The following FAM135A variants were observed in gnomAD, a reference collection of about 807,000 sequenced individuals.
FAM135A encodes family with sequence similarity 135 member A.
In FAM135A, 79 loss-of-function variants were observed where a neutral mutation model predicts 146.8. The ratio of observed to expected loss-of-function variants is 0.54; its 90% CI spans 0.45 to 0.65. The LOEUF is 0.65. Among genes scored for constraint, FAM135A ranks in the 30% least tolerant of loss-of-function variants. The pLI is 0.00. For missense variants in FAM135A, 1,623 were observed against 1,758.2 expected (o/e 0.92, Z 1.38); for synonymous variants, 562 against 603.6 (o/e 0.93, Z 1.01).
chr6:70,428,803 A>G (rs1406499697), intron 4 of FAM135A, among the ~76,000 whole-genome samples: 3 of 152,236 alleles, frequency 2.0e-5, no homozygotes, highest in Non-Finnish European at 2.9e-5. Flanking sequence ...TTTCTGTATC[A>G]GTGAATGTAG....
rs759205546 is a variant in FAM135A, at chr6:70,523,973, G to C, written c.1110G>C (p.Gln370His). 6.2e-7 allele frequency: 1 copy of C among 1,606,216 alleles called. No homozygotes were observed. Among genetic ancestry groups the C allele is most frequent in the Admixed American group, 1.7e-5 (1 of 57,542 alleles). ...AAIAYQELHAQSHLQMCTAIK... is the reference protein window; with the variant it reads ...AAIAYQELHAHSHLQMCTAIK... ...CTGAAGAAATATTTTTCAGTGCTCA[G>C]AGTCATCTACAGATGTGCACCGCTA... Residue 370 changes from glutamine (Q) to histidine (H), a missense_variant, in exon 14 of 22, where the codon CAG becomes CAC. By Grantham distance (24) the Gln-to-His change is conservative. This residue lies in a region of FAM135A where 23 missense variants were observed against 47.7 expected (regional missense o/e 0.48). Transcript: ENST00000418814.
At position 70,517,440 on chromosome 6, in the gene FAM135A, T is replaced by C. The variant is rs1792540956; in HGVS notation, c.1030-5073T>C. Among the ~76,000 whole-genome samples, 8 of 144,032 alleles carry C rather than the reference T, an allele frequency of 5.6e-5. No homozygotes were observed. In the Admixed American group the frequency reaches 5.6e-4, roughly 10 times the overall value. 94.5% of individuals were successfully genotyped at this position (144,032 alleles called of 152,430 possible). A position where few individuals can be genotyped will look rare whatever the true frequency, so the allele number is the denominator to read the frequency against. ...CTTTTTTTTTTTTTTTTTTTTTAGATGGAGTTTTGCTCTTGTCACCCAGGC... is the reference window on the plus strand; with the variant it reads ...CTTTTTTTTTTTTTTTTTTTTTAGACGGAGTTTTGCTCTTGTCACCCAGGC... On this transcript the variant is annotated intron_variant, in intron 12 of 21. Transcript: ENST00000418814.
intron 1 of FAM135A, 115 bp downstream of exon 1, chr6:70,413,817 C>A: frequency 2.3e-5 from 23 of 985,454 alleles, no homozygotes; most frequent in Non-Finnish European, 2.8e-5. Context: ...GTCCGCCGTT[C>A]GCCCGCCGCG....
chr6:70,443,642 T>C (rs1775061923), intron 4 of FAM135A, among the ~76,000 whole-genome samples: 1 of 152,250 alleles, frequency 6.6e-6, no homozygotes, highest in Non-Finnish European at 1.5e-5. Context: ...TGGATATATT[T>C]TTGTAGTGAA....
chr6:70,559,183 G>C (rs1169454834), intron 21 of FAM135A, among the ~76,000 whole-genome samples: 1 of 152,218 alleles, frequency 6.6e-6, no homozygotes, highest in Non-Finnish European at 1.5e-5. Flanking sequence ...GCTCACGCCT[G>C]TAATCCCAGC....
intron 10 of FAM135A, among the ~76,000 whole-genome samples, chr6:70,490,019 A>C (rs1785570065): frequency 6.6e-6 from 1 of 152,072 alleles, no homozygotes; most frequent in African/African-American, 2.4e-5. Flanking sequence ...CCACTCTAAC[A>C]ATTATACTGT....
chr6:70,526,958 C>T (rs1002719042), intron 15 of FAM135A, among the ~76,000 whole-genome samples: 2 of 151,952 alleles, frequency 1.3e-5, no homozygotes, highest in Admixed American at 6.6e-5. Flanking sequence ...GCTGAATGAT[C>T]GTGCTGTTCT....
At chr6:70,492,738 C>G (rs1786301665) in intron 11 of FAM135A, among the ~76,000 whole-genome samples, 1 of 150,048 alleles carries the variant, frequency 6.7e-6, no homozygotes, top group Non-Finnish European at 1.5e-5. Flanking sequence ...TGAAATGATA[C>G]TCATTCTTAC....
At chr6:70,445,120 A>G (rs1034797680) in intron 4 of FAM135A, among the ~76,000 whole-genome samples, 1 of 151,924 alleles carries the variant, frequency 6.6e-6, no homozygotes, top group African/African-American at 2.4e-5. Context: ...TACATAAACA[A>G]GGGTGGGAAT....
intron 10 of FAM135A, among the ~76,000 whole-genome samples, chr6:70,486,666 C>G (rs534846898): frequency 1.3e-5 from 2 of 152,134 alleles, no homozygotes; most frequent in Non-Finnish European, 2.9e-5. Flanking sequence ...CGGTGACTCA[C>G]GCCTGTAATC....
chr6:70,463,905 G>C (rs1197867985), intron 5 of FAM135A, among the ~76,000 whole-genome samples: 2 of 152,090 alleles, frequency 1.3e-5, no homozygotes, highest in Admixed American at 6.5e-5. Context: ...CTTTTTACCT[G>C]GTTTAAGAGA....
intron 4 of FAM135A, among the ~76,000 whole-genome samples, chr6:70,448,906 G>C (rs932288141): frequency 2.0e-5 from 3 of 152,182 alleles, no homozygotes; most frequent in Admixed American, 1.3e-4. Context: ...GGTGGGCCAG[G>C]TGTTTCTTGC....
At chr6:70,521,555 A>T (rs988564699) in intron 12 of FAM135A, among the ~76,000 whole-genome samples, 1 of 152,236 alleles carries the variant, frequency 6.6e-6, no homozygotes, top group African/African-American at 2.4e-5. Context: ...TTAGTAAGTC[A>T]GAAATTCACC....
At chr6:70,553,694 T>TC (rs1800281975) in intron 20 of FAM135A, among the ~76,000 whole-genome samples, 1 of 143,714 alleles carries the variant, frequency 7.0e-6, no homozygotes, top group South Asian at 2.2e-4. Context: ...AATCTTTTTT[T>TC]TAAAAAGAAG....
intron 2 of FAM135A, among the ~76,000 whole-genome samples, chr6:70,422,491 A>G (rs7742044): frequency 6.6e-6 from 1 of 152,004 alleles, no homozygotes; most frequent in Non-Finnish European, 1.5e-5. Flanking sequence ...ATGTATATAT[A>G]TGTACATGTA....
chr6:70,488,762 GC>G (rs1785232060), intron 10 of FAM135A, among the ~76,000 whole-genome samples: 1 of 151,806 alleles, frequency 6.6e-6, no homozygotes, highest in Non-Finnish European at 1.5e-5. Context: ...ATATTTCTAG[GC>G]TACATAGTTT....
chr6:70,514,785 A>G (rs1292136169), intron 12 of FAM135A, among the ~76,000 whole-genome samples: 3 of 152,198 alleles, frequency 2.0e-5, no homozygotes, highest in African/African-American at 7.2e-5. Flanking sequence ...AGGGGATCCC[A>G]TACTTTTCAT....
chr6:70,549,031 T>A (rs1799345888), intron 20 of FAM135A, among the ~76,000 whole-genome samples: 1 of 152,118 alleles, frequency 6.6e-6, no homozygotes, highest in African/African-American at 2.4e-5. Context: ...TATTGATGAG[T>A]GTGTGAAACA....
intron 11 of FAM135A, among the ~76,000 whole-genome samples, chr6:70,497,205 A>G (rs1157717074): frequency 6.6e-6 from 1 of 152,130 alleles, no homozygotes; most frequent in Non-Finnish European, 1.5e-5. Context: ...CTCCTTGAAG[A>G]GGTCCTTCAC....
Sources: allele counts gnomAD v4.1 joint callset (sites outside exome capture counted in the v4.1 genomes callset), GRCh38; gene constraint gnomAD v4.1.1; regional missense constraint gnomAD v4.1.1; transcripts MANE v1.5; gene names NCBI Gene and HGNC (gene_info 2026-07-23, HGNC 2026-07-21).